The following PHF3 variants were observed in gnomAD, a reference collection of about 807,000 sequenced individuals.
PHF3 encodes the protein PHD finger protein 3.
PHF3 carries 41 observed loss-of-function variants against 178.4 expected under a neutral mutation model. That is an observed-to-expected ratio of 0.23 (90% CI 0.18 to 0.30). The LOEUF is 0.30. PHF3 is among the 10% of genes least tolerant of loss of function. PHF3 has a pLI of 1.00. For synonymous variants in PHF3, 842 were observed against 800.5 expected, an observed-to-expected ratio of 1.05 and a Z score of -0.88; for missense variants, 2,346 against 2,398.1, an observed-to-expected ratio of 0.98 and a Z score of 0.45.
At position 63,685,334 on chromosome 6, in the gene PHF3, C is replaced by G; in HGVS notation, c.1612C>G (p.Gln538Glu). 6 of 1,613,994 alleles carry G rather than the reference C, an allele frequency of 3.7e-6. No individual in the cohort carries two copies. The highest frequency in any genetic ancestry group is 5.1e-6 in the Non-Finnish European group (6 of 1,179,992). ...ACGAAATACTGATGTACCAGAATCTCAGCAAAATTTTCATAGGCCAGTCAA... is the reference window on the plus strand; with the variant it reads ...ACGAAATACTGATGTACCAGAATCTGAGCAAAATTTTCATAGGCCAGTCAA... ...VKRNTDVPES[Q>E]QNFHRPVKVR... Residue 538 changes from glutamine to glutamate, a missense_variant, in exon 4 of 16, where the codon CAG becomes GAG. Physicochemically the swap from Gln to Glu is conservative, Grantham distance 29 (BLOSUM62 2). Transcript: ENST00000262043.
chr6:63,696,826 G>A (rs189323461), intron 6 of PHF3, among the ~76,000 whole-genome samples: 10 of 152,174 alleles, frequency 6.6e-5, no homozygotes, highest in Admixed American at 6.5e-4. Context: ...GAAATCACTG[G>A]TGACCTTGAC....
At chr6:63,671,234 G>A (rs892013975) in intron 2 of PHF3, among the ~76,000 whole-genome samples, 2 of 151,962 alleles carry the variant, frequency 1.3e-5, no homozygotes, top group African/African-American at 4.8e-5. Flanking sequence ...AAAGTGATTG[G>A]TACTGTACTG....
intron 2 of PHF3, chr6:63,679,094 A>G (rs1463480585): frequency 6.5e-6 from 1 of 153,020 alleles, no homozygotes; most frequent in African/African-American, 2.4e-5. Flanking sequence ...GACTTGATAA[A>G]GGTGTTTTTT....
At chr6:63,678,849 G>A (rs2149576565) in intron 2 of PHF3, 1 of 452,620 alleles carries the variant, frequency 2.2e-6, no homozygotes, top group African/African-American at 2.0e-5. Flanking sequence ...ATCTTGTTGA[G>A]CTCTTTTAAA....
chr6:63,708,952 G>A (rs1158023393), intron 13 of PHF3, among the ~76,000 whole-genome samples, 199 bp from the exon 14 acceptor site: 3 of 152,164 alleles, frequency 2.0e-5, no homozygotes, highest in Non-Finnish European at 4.4e-5. Context: ...TTAGGCAACA[G>A]TCATTTGTAG....
chr6:63,712,206 A>G lies in PHF3; in HGVS notation c.4618A>G (p.Ile1540Val), dbSNP rs745620785. ...AGAATCTACAGATAAGTCAGCAGAA[A>G]TAGAAACATCAGTAGTAGGGTCCTC... is the stretch of plus-strand genomic sequence containing the variant. Reference protein sequence around the residue: ...ISESTDKSAEIETSVVGSSSI... With the variant: ...ISESTDKSAEVETSVVGSSSI... The change falls in exon 16 of 16, where the codon ATA (isoleucine) becomes GTA (valine). Residue 1540 changes from isoleucine to valine, a missense_variant. This residue lies in a region of PHF3 where 839 missense variants were observed against 806.9 expected (regional missense o/e 1.04). Coordinates refer to ENST00000262043, the MANE Select transcript of PHF3 (RefSeq NM_001370348.2). The G allele has an allele frequency of 6.2e-7, 1 of 1,614,094 alleles. No homozygotes were observed. The highest frequency in any genetic ancestry group is 8.5e-7 in the Non-Finnish European group (1 of 1,179,954).
chr6:63,691,196 A>G (rs1380363809), intron 4 of PHF3, among the ~76,000 whole-genome samples: 1 of 152,166 alleles, frequency 6.6e-6, no homozygotes, highest in Non-Finnish European at 1.5e-5. Context: ...AAACAGTTTG[A>G]GAGGCTCCAT....
chr6:63,711,075 C>T, intron 14 of PHF3, 92 bp from the exon 15 acceptor site: 3 of 858,328 alleles, frequency 3.5e-6, no homozygotes, highest in Non-Finnish European at 5.1e-6. Flanking sequence ...TTATAAAGTT[C>T]AATAGATTAT....
chr6:63,688,181 G>C (rs1182390032), intron 4 of PHF3, among the ~76,000 whole-genome samples: 2 of 91,226 alleles, frequency 2.2e-5, no homozygotes, highest in East Asian at 3.3e-4. Flanking sequence ...GCAAGACTCC[G>C]TCTCAAAAAA....
chr6:63,704,389 GT>G (rs1364930498), intron 11 of PHF3, among the ~76,000 whole-genome samples: 9 of 151,572 alleles, frequency 5.9e-5, no homozygotes, highest in Non-Finnish European at 4.4e-5. Context: ...TCTTTACTCT[GT>G]CTATTCATCC....
chr6:63,703,798 C>A (rs76494523), intron 11 of PHF3, 127 bp downstream of exon 11: 16,206 of 837,792 alleles, frequency 0.019, 325 homozygotes, highest in South Asian at 0.078. Flanking sequence ...CACTCACAGT[C>A]TTTAAGCTTT....
intron 6 of PHF3, among the ~76,000 whole-genome samples, 189 bp from the exon 7 acceptor site, chr6:63,698,034 G>A: frequency 6.6e-6 from 1 of 152,090 alleles, no homozygotes; most frequent in East Asian, 1.9e-4. Flanking sequence ...GGAAAGAGTA[G>A]GACCAGTTTT....
intron 9 of PHF3, among the ~76,000 whole-genome samples, chr6:63,700,897 C>T (rs1023312984): frequency 6.6e-6 from 1 of 152,132 alleles, no homozygotes; most frequent in Non-Finnish European, 1.5e-5. Context: ...ATTACTTGTT[C>T]TCCATTCCTC....
At chr6:63,702,411 G>A (rs1165555140) in intron 9 of PHF3, 97 bp from the exon 10 acceptor site, 1 of 763,320 alleles carries the variant, frequency 1.3e-6, no homozygotes. Context: ...CATCTGTGGT[G>A]ATTTGTTTAT....
intron 2 of PHF3, among the ~76,000 whole-genome samples, chr6:63,674,653 AG>A (rs1766088947): frequency 6.6e-6 from 1 of 152,164 alleles, no homozygotes; most frequent in Admixed American, 6.5e-5. Context: ...GGCTCTGTTA[AG>A]AGGAGGTGTT....
At chr6:63,674,957 A>G (rs1314285695) in intron 2 of PHF3, among the ~76,000 whole-genome samples, 1 of 152,210 alleles carries the variant, frequency 6.6e-6, no homozygotes, top group East Asian at 1.9e-4. Flanking sequence ...ATTGTTGAGC[A>G]GTGCAATAAA....
chr6:63,680,398 A>ATTTTT (rs994238749), intron 3 of PHF3, among the ~76,000 whole-genome samples: 1 of 117,600 alleles, frequency 8.5e-6, no homozygotes, highest in Non-Finnish European at 1.8e-5. Context: ...AGCTGGTTTA[A>ATTTTT]TTTTTTTTTT....
chr6:63,691,666 TAGC>T (rs1240202798), intron 4 of PHF3, 68 bp from the exon 5 acceptor site: 2 of 1,282,386 alleles, frequency 1.6e-6, no homozygotes, highest in African/African-American at 3.0e-5. Flanking sequence ...AAATTTAATT[TAGC>T]CTCATTTTTG....
chr6:63,678,450 C>G (rs1336730852), intron 2 of PHF3, among the ~76,000 whole-genome samples: 1 of 152,064 alleles, frequency 6.6e-6, no homozygotes, highest in Non-Finnish European at 1.5e-5. Context: ...AGCGTGGGCT[C>G]TATTTTTACT....
Sources: gnomAD v4.1 joint callset for allele counts (sites outside exome capture counted in the v4.1 genomes callset) on GRCh38, gnomAD v4.1.1 for gene constraint, gnomAD v4.1.1 regional missense constraint, MANE v1.5 for transcripts, NCBI Gene and HGNC (gene_info 2026-07-23, HGNC 2026-07-21) for gene names.